ADAM18: variants seen among roughly 807,000 people sequenced by gnomAD.
ADAM18 encodes ADAM metallopeptidase domain 18, also known as disintegrin and metalloproteinase domain-containing protein 18.
Under a neutral mutation model 94.4 loss-of-function variants are expected in ADAM18, and 117 were observed. That is an observed-to-expected ratio of 1.24 (90% CI 1.07 to 1.45). The LOEUF (loss-of-function observed/expected upper bound fraction) is 1.45. ADAM18 is among the 40% of genes most tolerant of loss of function. The pLI, the probability that ADAM18 is intolerant of heterozygous loss-of-function variation, is 0.00. For missense variants in ADAM18, 936 were observed against 880.0 expected, an observed-to-expected ratio of 1.06 and a Z score of -0.81; for synonymous variants, 327 against 291.6, an observed-to-expected ratio of 1.12 and a Z score of -1.24.
intron 6 of ADAM18, among the ~76,000 whole-genome samples, chr8:39,620,881 G>C (rs374053655): frequency 1.3e-5 from 2 of 151,646 alleles, no homozygotes; most frequent in South Asian, 4.2e-4. Flanking sequence ...GAGGTGAGAG[G>C]GGTAGATAGT....
intron 6 of ADAM18, 198 bp downstream of exon 6, chr8:39,610,904 T>C (rs1819254244): frequency 2.5e-6 from 3 of 1,223,494 alleles, no homozygotes; most frequent in South Asian, 3.2e-5. Flanking sequence ...TTTTATGATG[T>C]ATTATGTAAC....
At chr8:39,725,576 A>C (rs182015618) in intron 19 of ADAM18, among the ~76,000 whole-genome samples, 50 of 152,190 alleles carry the variant, frequency 3.3e-4, no homozygotes, top group African/African-American at 1.1e-3. Flanking sequence ...ACATATAGTT[A>C]AGATCATGCA....
At position 39,680,286 on chromosome 8, in the gene ADAM18, G is replaced by A. The variant is rs878913163; in HGVS notation, c.1821+60G>A. The A allele has an allele frequency of 1.7e-5, 24 of 1,428,296 alleles. No individual in the cohort carries two copies. The South Asian group carries it at 3.0e-4, about 18-fold the overall frequency. 88.5% of individuals were successfully genotyped at this position (1,428,296 alleles called of 1,614,324 possible). On this transcript the variant is annotated intron_variant, in intron 16 of 19. Transcript: ENST00000265707. ...TAAATTATGTGAATTATCAGATACT[G>A]CATTCCATGATGACTATCACAATTA...
At chr8:39,657,294 A>G (rs1023266825) in intron 12 of ADAM18, among the ~76,000 whole-genome samples, 10 of 152,218 alleles carry the variant, frequency 6.6e-5, no homozygotes, top group African/African-American at 2.2e-4. Flanking sequence ...AGTAGTCACT[A>G]AAAAGGTCTT....
chr8:39,591,845 A>G (rs1420829862), intron 2 of ADAM18, among the ~76,000 whole-genome samples: 3 of 152,208 alleles, frequency 2.0e-5, no homozygotes, highest in Non-Finnish European at 4.4e-5. Flanking sequence ...TACAAAATGT[A>G]TTTCTTAAGT....
At chr8:39,616,754 A>G (rs1288082451) in intron 6 of ADAM18, among the ~76,000 whole-genome samples, 1 of 152,224 alleles carries the variant, frequency 6.6e-6, no homozygotes, top group Admixed American at 6.5e-5. Context: ...ATTAACAATA[A>G]CAAACAACTG....
At chr8:39,607,858 ATTCTTGTGACT>A (rs1307427520) in intron 3 of ADAM18, among the ~76,000 whole-genome samples, 2 of 147,138 alleles carry the variant, frequency 1.4e-5, no homozygotes, top group Non-Finnish European at 3.0e-5. Context: ...TGGTTGTTTA[ATTCTTGTGACT>A]TTAAATACCA....
intron 11 of ADAM18, among the ~76,000 whole-genome samples, chr8:39,647,566 G>A (rs1034781320): frequency 6.6e-6 from 1 of 152,096 alleles, no homozygotes; most frequent in African/African-American, 2.4e-5. Context: ...GACCATTTAC[G>A]GGTGTCAGGC....
intron 2 of ADAM18, among the ~76,000 whole-genome samples, chr8:39,590,756 G>T (rs1818548465): frequency 6.6e-6 from 1 of 152,028 alleles, no homozygotes; most frequent in Admixed American, 6.6e-5. Flanking sequence ...ATATCTCAAT[G>T]AATTTTCACA....
In ADAM18 at chr8:39,635,899, A is replaced by T. The variant is rs1016641341; in HGVS notation, c.589-1365A>T. On this transcript the variant is annotated intron_variant, in intron 7 of 19. Transcript: ENST00000265707. ...TTGTTAAAGCAGTGTTGGTTTCATA[A>T]AACTAATTACAATGTCTGCCCTTTT... 9.2e-5 allele frequency among the ~76,000 whole-genome samples: 14 copies of T among 152,250 alleles called. No individual in the cohort carries two copies. In the East Asian group the frequency reaches 2.7e-3, roughly 29 times the overall value.
chr8:39,620,056 T>G (rs904551724), intron 6 of ADAM18, among the ~76,000 whole-genome samples: 1 of 152,060 alleles, frequency 6.6e-6, no homozygotes, highest in Non-Finnish European at 1.5e-5. Flanking sequence ...AACAGAACTA[T>G]GCATTTACAG....
At position 39,672,326 on chromosome 8, in the gene ADAM18, G is replaced by A. The variant is rs531970901; in HGVS notation, c.1525+4130G>A. ...GAGTGGGAATGCCACTACACTCACC[G>A]GTAGCAATGGATATGATAAGATCTG... On this transcript the variant is annotated intron_variant, in intron 14 of 19. Transcript: ENST00000265707. Among the ~76,000 whole-genome samples, 3 of 152,124 alleles carry A rather than the reference G, an allele frequency of 2.0e-5. 1 individual carries two copies. Among genetic ancestry groups the A allele is most frequent in the South Asian group, 4.1e-4 (2 of 4,830 alleles).
intron 12 of ADAM18, among the ~76,000 whole-genome samples, chr8:39,652,182 G>A (rs1820558387): frequency 6.6e-6 from 1 of 151,780 alleles, no homozygotes; most frequent in Admixed American, 6.6e-5. Flanking sequence ...GACAGCAAAA[G>A]CAAAAATATA....
chr8:39,677,065 A>G (rs919189499), intron 14 of ADAM18, among the ~76,000 whole-genome samples: 1 of 152,224 alleles, frequency 6.6e-6, no homozygotes, highest in African/African-American at 2.4e-5. Context: ...GACTCTGGAA[A>G]ACTATATAAG....
In ADAM18 at chr8:39,595,186, T is replaced by G. The variant is rs1301315222; in HGVS notation, c.132+9834T>G. On this transcript the variant is annotated intron_variant, in intron 2 of 19. Transcript: ENST00000265707. ...AGTATTTTCTCCCCTAACCCCATGC[T>G]GTGGTTGAGCCCTTCCACTTAGATT... is the stretch of plus-strand genomic sequence containing the variant. Among the ~76,000 whole-genome samples, 3 of 152,330 alleles carry G rather than the reference T, an allele frequency of 2.0e-5. No homozygotes were observed. In the East Asian group the frequency reaches 5.8e-4, roughly 29 times the overall value.
intron 6 of ADAM18, among the ~76,000 whole-genome samples, chr8:39,622,759 A>G (rs1356999701): frequency 2.0e-5 from 3 of 152,194 alleles, no homozygotes; most frequent in Non-Finnish European, 2.9e-5. Context: ...TAAGTTACAT[A>G]ACTTAATAGA....
At chr8:39,722,552 G>T (rs1447933882) in intron 18 of ADAM18, among the ~76,000 whole-genome samples, 1 of 150,388 alleles carries the variant, frequency 6.6e-6, no homozygotes, top group Non-Finnish European at 1.5e-5. Context: ...GATATGAAGG[G>T]TGAAAAATTA....
chr8:39,698,228 C>T (rs1386440044), intron 17 of ADAM18, among the ~76,000 whole-genome samples: 2 of 151,516 alleles, frequency 1.3e-5, no homozygotes, highest in African/African-American at 2.4e-5. Flanking sequence ...GTATTGTGTT[C>T]CTGACTTACT....
intron 6 of ADAM18, among the ~76,000 whole-genome samples, chr8:39,627,413 C>T (rs575310917): frequency 2.0e-4 from 31 of 152,184 alleles, no homozygotes; most frequent in African/African-American, 7.0e-4. Flanking sequence ...CCTGACCCCA[C>T]CTTTGACAGA....
Sources: allele counts gnomAD v4.1 joint callset (sites outside exome capture counted in the v4.1 genomes callset), GRCh38; gene constraint gnomAD v4.1.1; transcripts MANE v1.5; gene names NCBI Gene and HGNC (gene_info 2026-07-23, HGNC 2026-07-21).